The following OPCML variants were observed in gnomAD, a reference collection of about 807,000 sequenced individuals.
The protein encoded by OPCML is opioid binding protein/cell adhesion molecule like, also known as opioid-binding protein/cell adhesion molecule.
A neutral mutation model predicts 37.8 loss-of-function variants in OPCML; 13 were observed. The observed-to-expected ratio is 0.34, with a 90% CI of 0.22 to 0.55. The LOEUF is 0.55. OPCML is among the 20% of genes least tolerant of loss of function. OPCML has a pLI of 0.91. For synonymous variants in OPCML, 176 were observed against 168.8 expected, an observed-to-expected ratio of 1.04 and a Z score of -0.33; for missense variants, 341 against 435.6, an observed-to-expected ratio of 0.78 and a Z score of 1.93.
intron 1 of OPCML, among the ~76,000 whole-genome samples, chr11:133,032,658 T>C (rs185659806): frequency 6.6e-6 from 1 of 152,274 alleles, no homozygotes; most frequent in African/African-American, 2.4e-5. Context: ...AGAACTCCAC[T>C]CTGGTTTTAA....
chr11:133,336,428 A>G (rs1943745364), intron 1 of OPCML, among the ~76,000 whole-genome samples: 1 of 152,208 alleles, frequency 6.6e-6, no homozygotes, highest in Non-Finnish European at 1.5e-5. Flanking sequence ...CTAGGACCAG[A>G]CAAATCTAGG....
chr11:133,172,337 C>T (rs757602370), intron 1 of OPCML, among the ~76,000 whole-genome samples: 5 of 152,152 alleles, frequency 3.3e-5, no homozygotes, highest in Admixed American at 6.5e-5. Context: ...AAGACAGCAC[C>T]GAGTGCTTAG....
chr11:133,098,203 G>C (rs1373661648), intron 1 of OPCML, among the ~76,000 whole-genome samples: 1 of 151,336 alleles, frequency 6.6e-6, no homozygotes, highest in East Asian at 1.9e-4. Context: ...GGTATGCAAG[G>C]CTGGTTAAAC....
At chr11:133,375,918 C>T (rs1035358670) in intron 1 of OPCML, among the ~76,000 whole-genome samples, 13 of 152,136 alleles carry the variant, frequency 8.5e-5, no homozygotes, top group African/African-American at 2.9e-4. Flanking sequence ...AAAGTGTCAG[C>T]TCCTCATTGT....
chr11:132,826,138 A>C (rs1940318197), intron 2 of OPCML, among the ~76,000 whole-genome samples: 2 of 152,176 alleles, frequency 1.3e-5, no homozygotes, highest in South Asian at 2.1e-4. Flanking sequence ...TTCCACACAG[A>C]TAATTATGTG....
intron 2 of OPCML, among the ~76,000 whole-genome samples, chr11:132,829,551 C>G (rs1399567209): frequency 2.0e-5 from 3 of 152,192 alleles, no homozygotes; most frequent in Non-Finnish European, 4.4e-5. Context: ...CCTCTTGACT[C>G]ATCTCCTGAG....
intron 2 of OPCML, among the ~76,000 whole-genome samples, chr11:132,686,498 A>G (rs993422935): frequency 6.6e-6 from 1 of 152,154 alleles, no homozygotes; most frequent in Non-Finnish European, 1.5e-5. Flanking sequence ...CTACTCTTCA[A>G]ATCCCTTCTT....
At chr11:133,360,765 G>A (rs1324179530) in intron 1 of OPCML, 2 of 152,248 alleles carry the variant, frequency 1.3e-5, no homozygotes, top group Non-Finnish European at 2.9e-5. Context: ...TAGGAACACA[G>A]ATGTTGGAGT....
intron 7 of OPCML, among the ~76,000 whole-genome samples, chr11:132,422,653 C>A: frequency 6.6e-6 from 1 of 152,244 alleles, no homozygotes; most frequent in East Asian, 1.9e-4. Flanking sequence ...ACCCTATGAG[C>A]TATGTGCTAC....
At chr11:133,395,128 G>A (rs1244247107) in intron 1 of OPCML, among the ~76,000 whole-genome samples, 1 of 152,084 alleles carries the variant, frequency 6.6e-6, no homozygotes, top group African/African-American at 2.4e-5. Flanking sequence ...TGATCATTAA[G>A]GTTGAGCACC....
chr11:133,248,932 T>A (rs902741737), intron 1 of OPCML, among the ~76,000 whole-genome samples: 3 of 152,216 alleles, frequency 2.0e-5, no homozygotes, highest in Non-Finnish European at 4.4e-5. Context: ...GAGATTAAAG[T>A]GATCTGTGTC....
chr11:133,515,688 C>T (rs138897656), intron 1 of OPCML, among the ~76,000 whole-genome samples: 13 of 151,962 alleles, frequency 8.6e-5, no homozygotes, highest in African/African-American at 2.9e-4. Flanking sequence ...GCTTGGGGTG[C>T]ATCAAGAGGG....
At chr11:132,501,283 GA>G (rs1280286373) in intron 4 of OPCML, among the ~76,000 whole-genome samples, 1 of 152,090 alleles carries the variant, frequency 6.6e-6, no homozygotes, top group Non-Finnish European at 1.5e-5. Context: ...AACCCTCGAA[GA>G]AAAACCTAGG....
At chr11:133,030,147 G>A (rs996156844) in intron 1 of OPCML, among the ~76,000 whole-genome samples, 1 of 152,136 alleles carries the variant, frequency 6.6e-6, no homozygotes, top group South Asian at 2.1e-4. Context: ...GGGTATTCCT[G>A]CAGTAAGTGA....
chr11:133,383,494 TAA>T (rs1944975870), intron 1 of OPCML, among the ~76,000 whole-genome samples: 1 of 152,192 alleles, frequency 6.6e-6, no homozygotes, highest in South Asian at 2.1e-4. Flanking sequence ...CCTCTTACTG[TAA>T]GGAATTTGAT....
intron 1 of OPCML, among the ~76,000 whole-genome samples, chr11:133,452,536 G>C (rs1946600482): frequency 6.6e-6 from 1 of 151,412 alleles, no homozygotes; most frequent in African/African-American, 2.5e-5. Context: ...AAACAGGCCA[G>C]GTGCAGTGGC....
intron 1 of OPCML, among the ~76,000 whole-genome samples, chr11:133,458,163 T>TATACATATACATATATGTGTATATATAC (rs2136972923): frequency 6.8e-6 from 1 of 147,288 alleles, no homozygotes; most frequent in East Asian, 2.0e-4. Flanking sequence ...AATATATATA[T>TATACATATACATATATGTGTATATATAC]ACATATACAT....
intron 2 of OPCML, among the ~76,000 whole-genome samples, chr11:132,740,124 T>C (rs1945390030): frequency 2.6e-5 from 4 of 152,206 alleles, no homozygotes; most frequent in Admixed American, 2.6e-4. Context: ...GAAGCAGGTG[T>C]CGAAGGATAA....
chr11:133,532,121 A>G (rs1209862763), intron 1 of OPCML, 143 bp downstream of exon 1: 1 of 1,358,428 alleles, frequency 7.4e-7, no homozygotes, highest in East Asian at 2.5e-5. Flanking sequence ...GCACACAGCA[A>G]GCCTACCTCT....
Sources: allele counts gnomAD v4.1 joint callset (sites outside exome capture counted in the v4.1 genomes callset), GRCh38; gene constraint gnomAD v4.1.1; transcripts MANE v1.5; gene names NCBI Gene and HGNC (gene_info 2026-07-23, HGNC 2026-07-21).